AFAP1L2: variants seen among roughly 807,000 people sequenced by gnomAD.
AFAP1L2 encodes actin filament-associated protein 1-like 2.
A neutral mutation model predicts 99.3 loss-of-function variants in AFAP1L2; 46 were observed. That is an observed-to-expected ratio of 0.46 (90% CI 0.37 to 0.59). AFAP1L2 has a LOEUF of 0.59. Ranked by LOEUF, AFAP1L2 falls within the 20% of genes least tolerant of loss-of-function variation. The probability of loss-of-function intolerance (pLI) is 0.00; values close to 1 mark genes in which losing one functional copy is unlikely to be tolerated. For missense variants in AFAP1L2, 959 were observed against 1,034.9 expected, an observed-to-expected ratio of 0.93 and a Z score of 1.01; for synonymous variants, 397 against 419.1, an observed-to-expected ratio of 0.95 and a Z score of 0.64.
At chr10:114,364,336 G>A (rs758028960) in intron 1 of AFAP1L2, among the ~76,000 whole-genome samples, 4 of 152,148 alleles carry the variant, frequency 2.6e-5, no homozygotes, top group Admixed American at 1.3e-4. Flanking sequence ...TTATTCTCTC[G>A]CGGTTCTGGA....
intron 1 of AFAP1L2, among the ~76,000 whole-genome samples, chr10:114,353,842 G>GA (rs1210200970): frequency 6.6e-6 from 1 of 151,692 alleles, no homozygotes; most frequent in Non-Finnish European, 1.5e-5. Context: ...ACCAGCCTTA[G>GA]AAAAAAAAGG....
intron 1 of AFAP1L2, among the ~76,000 whole-genome samples, chr10:114,355,245 TCTCG>T (rs1212989425): frequency 1.5e-5 from 2 of 129,420 alleles, no homozygotes; most frequent in African/African-American, 3.7e-5. Flanking sequence ...GCCTTTCTCT[TCTCG>T]CTCTCTCTTT....
At chr10:114,313,400 G>T in intron 7 of AFAP1L2, among the ~76,000 whole-genome samples, 1 of 152,096 alleles carries the variant, frequency 6.6e-6, no homozygotes, top group East Asian at 1.9e-4. Flanking sequence ...GACGGGCCTC[G>T]GTCTGAGAAC....
chr10:114,335,280 T>C (rs1206155924), intron 2 of AFAP1L2, among the ~76,000 whole-genome samples: 1 of 152,136 alleles, frequency 6.6e-6, no homozygotes, highest in Non-Finnish European at 1.5e-5. Context: ...TTTGAGGACA[T>C]TCACTACAAT....
At chr10:114,290,015 G>A, downstream of AFAP1L2, 1 of 390,860 alleles carries the variant, frequency 2.6e-6, no homozygotes, top group Non-Finnish European at 4.5e-6. Flanking sequence ...AAAAAAGTCT[G>A]CCATGTGTAT....
At chr10:114,300,730 C>G (rs1448279342) in intron 13 of AFAP1L2, 40 bp from the exon 14 acceptor site, 13 of 1,547,088 alleles carry the variant, frequency 8.4e-6, no homozygotes, top group Non-Finnish European at 1.1e-5. Context: ...AACATTACCT[C>G]TACTCCCTCA....
chr10:114,404,503 C>T (rs558008019), upstream of AFAP1L2: 550 of 1,523,938 alleles, frequency 3.6e-4, 3 homozygotes, highest in African/African-American at 7.0e-3. Context: ...GCGCTGCTCT[C>T]CCGGCGCTCG....
At chr10:114,315,318 G>A (rs991232509) in intron 6 of AFAP1L2, among the ~76,000 whole-genome samples, 5 of 152,086 alleles carry the variant, frequency 3.3e-5, no homozygotes, top group Non-Finnish European at 7.4e-5. Flanking sequence ...GGAGGCGGTG[G>A]TAGTCACAAC....
chr10:114,284,946 G>A, the AFAP1L2 span: 2 of 1,602,536 alleles, frequency 1.2e-6, no homozygotes, highest in East Asian at 4.5e-5. Context: ...CTGCCCGCTG[G>A]CCTTTGGAGG....
At chr10:114,326,153 C>A in intron 4 of AFAP1L2, 1 of 785,800 alleles carries the variant, frequency 1.3e-6, no homozygotes, top group Non-Finnish European at 1.7e-6. Flanking sequence ...TAGGGTGGAG[C>A]CAGGCAGTGT....
intron 1 of AFAP1L2, among the ~76,000 whole-genome samples, chr10:114,352,642 G>A (rs1889454): frequency 0.85 from 129,722 of 152,272 alleles, 58,257 homozygotes; most frequent in East Asian, 1. Flanking sequence ...GAGAATGAAC[G>A]AGTGAAGGTT....
intron 4 of AFAP1L2, among the ~76,000 whole-genome samples, chr10:114,328,741 G>A (rs1366285551): frequency 6.6e-6 from 1 of 152,212 alleles, no homozygotes; most frequent in African/African-American, 2.4e-5. Context: ...GCTCCTCTGG[G>A]GGCCTTGGAC....
At chr10:114,385,630 C>T (rs542340885) in intron 1 of AFAP1L2, among the ~76,000 whole-genome samples, 18 of 152,210 alleles carry the variant, frequency 1.2e-4, no homozygotes, top group Admixed American at 3.9e-4. Flanking sequence ...GACAATTACC[C>T]CTGGATGCCT....
At position 114,366,858 on chromosome 10, in the gene AFAP1L2, C is replaced by A. The variant is rs144484129; in HGVS notation, c.17-26127G>T. ...TGTCGCGCGCCTTTAGTCTCAGCTA[C>A]TCAGGGGGCTGAGGCAGGAGAATCG... On this transcript the variant is annotated intron_variant, in intron 1 of 18. Transcript: ENST00000304129. Among the ~76,000 whole-genome samples, 514 of 152,292 alleles carry A rather than the reference C, an allele frequency of 3.4e-3. 5 individuals carry two copies. Among genetic ancestry groups the A allele is most frequent in the African/African-American group, 0.012 (499 of 41,552 alleles).
intron 4 of AFAP1L2, among the ~76,000 whole-genome samples, chr10:114,328,902 G>A (rs955796312): frequency 1.3e-5 from 2 of 152,226 alleles, no homozygotes; most frequent in African/African-American, 4.8e-5. Context: ...CTGGGGTAGA[G>A]GTGGGTGCCT....
chr10:114,404,457 G>T lies in AFAP1L2; in HGVS notation c.-2C>A, dbSNP rs1257324460. ...GCCCTCACCTTTGTACCGCTCCATC[G>T]GGGCCACGGAGTGCGCTCCTCGCGG... On this transcript the variant is annotated 5_prime_UTR_variant, in exon 1 of 19. Transcript: ENST00000304129. 1.9e-6 allele frequency: 3 copies of T among 1,540,088 alleles called. No homozygotes were observed. The highest frequency in any genetic ancestry group is 2.0e-5 in the Admixed American group (1 of 50,844).
upstream of AFAP1L2, chr10:114,404,535 G>C (rs533701801): frequency 2.0e-6 from 3 of 1,472,674 alleles, no homozygotes; most frequent in African/African-American, 2.9e-5. Context: ...AGGCCGCCGC[G>C]CTGGCCCCTC....
chr10:114,354,456 A>T (rs181847996), intron 1 of AFAP1L2, among the ~76,000 whole-genome samples: 35 of 152,268 alleles, frequency 2.3e-4, no homozygotes, highest in Admixed American at 7.8e-4. Flanking sequence ...GAAATTAATC[A>T]TTTGGTCTAT....
chr10:114,281,576 C>T, the AFAP1L2 span: 24 of 218,560 alleles, frequency 1.1e-4, 2 homozygotes, highest in South Asian at 3.6e-3. Context: ...TGTGTTATCA[C>T]AGAACGTTAG....
Sources: allele counts gnomAD v4.1 joint callset (sites outside exome capture counted in the v4.1 genomes callset), GRCh38; gene constraint gnomAD v4.1.1; transcripts MANE v1.5; gene names NCBI Gene and HGNC (gene_info 2026-07-23, HGNC 2026-07-21).